NPBWR1: variants seen among roughly 807,000 people sequenced by gnomAD.
NPBWR1 encodes neuropeptides B and W receptor 1, also known as neuropeptides B/W receptor type 1.
In NPBWR1, 4 loss-of-function variants were observed where a neutral mutation model predicts 2.8. The observed-to-expected ratio is 1.44, with a 90% confidence interval of 0.71 to 3.29. The LOEUF (loss-of-function observed/expected upper bound fraction) is 3.29. NPBWR1 is among the 30% of genes most tolerant of loss of function. The pLI is 0.01. For missense variants in NPBWR1, 545 were observed against 462.5 expected (o/e 1.18, Z -1.64); for synonymous variants, 250 against 224.5 (o/e 1.11, Z -1.02).
rs1339244724 is a variant in NPBWR1, at chr8:52,941,191, G to A, written c.*297G>A. The A allele has an allele frequency of 4.5e-6, 2 of 445,702 alleles. No individual in the cohort carries two copies. Among genetic ancestry groups the A allele is most frequent in the East Asian group, 8.2e-5 (2 of 24,398 alleles). 27.6% of individuals were successfully genotyped at this position (445,702 alleles called of 1,614,324 possible). ...GAGGGTAGAGGAGGAGGGCGGTATT[G>A]CTGGGAACCGCCCCCTCCCTGCCCT... On this transcript the variant is annotated 3_prime_UTR_variant, in exon 2 of 2. Coordinates refer to ENST00000674939, the MANE Select transcript of NPBWR1 (RefSeq NM_005285.5).
rs1425848744 is a variant in NPBWR1, at chr8:52,940,078, C to G, written c.171C>G (p.Ala57=). The G allele has an allele frequency of 1.1e-5, 17 of 1,611,044 alleles. No individual in the cohort carries two copies. Among genetic ancestry groups the G allele is most frequent in the Non-Finnish European group, 1.3e-5 (15 of 1,179,948 alleles). The change falls in exon 2 of 2, where the codon GCC becomes GCG. Residue 57 remains alanine, a synonymous_variant. Transcript: ENST00000674939. ...CCGTGGGTCTGGCGGGCAACTCCGCCGTGCTGTACGTGTTGCTGCGGGCGC... is the reference window on the plus strand; with the variant it reads ...CCGTGGGTCTGGCGGGCAACTCCGCGGTGCTGTACGTGTTGCTGCGGGCGC... ...ICAVGLAGNS[A]VLYVLLRAPR...
rs777966458 is a variant in NPBWR1 at position 52,940,851 on chromosome 8, G to T, written c.944G>T (p.Arg315Leu). ...FLYAFLDASF[R>L]RNLRQLITCR... ...TACGCCTTCCTGGACGCCAGCTTCC[G>T]CAGGAACCTCCGCCAGCTGATAACT... Residue 315 changes from arginine (R) to leucine (L), a missense_variant, in exon 2 of 2, where the codon CGC becomes CTC. Physicochemically the swap from Arg to Leu is moderately radical, Grantham distance 102. Coordinates refer to ENST00000674939, the MANE Select transcript of NPBWR1 (RefSeq NM_005285.5). 1.2e-6 allele frequency: 2 copies of T among 1,612,680 alleles called. No homozygotes were observed. The highest frequency in any genetic ancestry group is 1.3e-5 in the African/African-American group (1 of 74,902).
rs563711899 is a variant in NPBWR1, at chr8:52,942,919, C to T, written c.*2025C>T. Among the ~76,000 whole-genome samples, 1 of 152,192 alleles carries T rather than the reference C, an allele frequency of 6.6e-6. No individual in the cohort carries two copies. Among genetic ancestry groups the T allele is most frequent in the African/African-American group, 2.4e-5 (1 of 41,448 alleles). ...GGCTTCTTGGAATTCATTTTAATAT[C>T]TTTCGAATTTCTAGGAAACATTCTA... On this transcript the variant is annotated 3_prime_UTR_variant, in exon 2 of 2. Transcript: ENST00000674939.
In NPBWR1 at chr8:52,940,142, C is replaced by A. The variant is rs1321881821; in HGVS notation, c.235C>A (p.Leu79Met). 4.3e-6 allele frequency: 7 copies of A among 1,613,350 alleles called. No homozygotes were observed. The highest frequency in any genetic ancestry group is 5.9e-6 in the Non-Finnish European group (7 of 1,179,980). ...CGTCACCAACCTGTTCATCCTCAAC[C>A]TGGCCATCGCCGACGAGCTCTTCAC... ...KTVTNLFILN[L>M]AIADELFTLV... Residue 79 changes from leucine (L) to methionine (M), a missense_variant, in exon 2 of 2, where the codon CTG becomes ATG. Leu to Met is a conservative substitution (Grantham distance 15, BLOSUM62 2). Transcript: ENST00000674939.
chr8:52,941,025 TA>T lies in NPBWR1; in HGVS notation c.*132del. On this transcript the variant is annotated 3_prime_UTR_variant, in exon 2 of 2. Transcript: ENST00000674939. Reference sequence around the variant, plus strand: ...ACCGACTCGCGCCCCATACCCGACCTAGCAGATCGGAAGCGCTGCGACTGTG... The same window carrying T: ...ACCGACTCGCGCCCCATACCCGACCTGCAGATCGGAAGCGCTGCGACTGTG... 1 of 1,225,126 alleles carries T rather than the reference TA, an allele frequency of 8.2e-7. No individual in the cohort carries two copies. The highest frequency in any genetic ancestry group is 1.6e-5 in the South Asian group (1 of 62,542). 75.9% of individuals were successfully genotyped at this position (1,225,126 alleles called of 1,614,324 possible).
At position 52,943,161 on chromosome 8, in the gene NPBWR1, G is replaced by A. The variant is rs1332233311; in HGVS notation, c.*2267G>A. On this transcript the variant is annotated 3_prime_UTR_variant, in exon 2 of 2. Transcript: ENST00000674939. ...CTGGACTCAGATGGGGGACAGCTGA[G>A]TGATCCATCTGTCCACTGTTTCATC... Among the ~76,000 whole-genome samples, 1 of 152,206 alleles carries A rather than the reference G, an allele frequency of 6.6e-6. No homozygotes were observed. Among genetic ancestry groups the A allele is most frequent in the African/African-American group, 2.4e-5 (1 of 41,452 alleles).
In NPBWR1 at chr8:52,940,004, C is replaced by G. The variant is rs146619785; in HGVS notation, c.97C>G (p.Pro33Ala). The G allele has an allele frequency of 1.9e-6, 3 of 1,604,084 alleles. No homozygotes were observed. The highest frequency in any genetic ancestry group is 2.5e-6 in the Non-Finnish European group (3 of 1,179,542). ...CAACGCGTCGACTCTGGCGCCGCTGCCGGCGCCGCTGGCGGTGGCTGTACC... is the reference window on the plus strand; with the variant it reads ...CAACGCGTCGACTCTGGCGCCGCTGGCGGCGCCGCTGGCGGTGGCTGTACC... ...CSNASTLAPL[P>A]APLAVAVPVV... Residue 33 changes from proline (P) to alanine (A), a missense_variant, in exon 2 of 2, where the codon CCG becomes GCG. Physicochemically the swap from Pro to Ala is conservative, Grantham distance 27 (BLOSUM62 -1). Transcript: ENST00000674939.
Position 52,939,895 on chromosome 8 carries a change from T to C in NPBWR1, c.-13T>C. ...GGGGACGCCAGGTCGCCGGCTCCTC[T>C]GCCCTCGTTGAGATGGACAACGCCT... On this transcript the variant is annotated 5_prime_UTR_variant, in exon 2 of 2. Coordinates refer to ENST00000674939, the MANE Select transcript of NPBWR1 (RefSeq NM_005285.5). 6.6e-7 allele frequency: 1 copy of C among 1,517,518 alleles called. No homozygotes were observed. Among genetic ancestry groups the C allele is most frequent in the South Asian group, 1.3e-5 (1 of 76,698 alleles). The allele number at this position is 1,517,518 out of a possible 1,614,324, so 94.0% of individuals were successfully genotyped here.
At position 52,942,235 on chromosome 8, in the gene NPBWR1, G is replaced by T. The variant is rs149345734; in HGVS notation, c.*1341G>T. The stretch of plus-strand genomic sequence containing the variant: ...ATTCCTTACTTGTAGACGGCATCCG[G>T]TAGGTAGTCCCGGTAAACCGGGTAA... On this transcript the variant is annotated 3_prime_UTR_variant, in exon 2 of 2. Transcript: ENST00000674939. Among the ~76,000 whole-genome samples the T allele has an allele frequency of 4.0e-3, 605 of 152,336 alleles. 6 individuals carry two copies. The highest frequency in any genetic ancestry group is 0.014 in the African/African-American group (585 of 41,580).
chr8:52,940,626 A>C lies in NPBWR1; in HGVS notation c.719A>C (p.Lys240Thr). 6.2e-7 allele frequency: 1 copy of C among 1,608,520 alleles called. No homozygotes were observed. The highest frequency in any genetic ancestry group is 8.5e-7 in the Non-Finnish European group (1 of 1,178,714). ...LHAMRLDSHA[K>T]ALERAKKRVT... ...GCCATGCGGCTGGACAGCCACGCCA[A>C]GGCCCTGGAGCGCGCCAAGAAGCGG... The change falls in exon 2 of 2, where the codon AAG becomes ACG. Residue 240 changes from lysine to threonine, a missense_variant. By Grantham distance (78) the Lys-to-Thr change is moderately conservative. Coordinates refer to ENST00000674939, the MANE Select transcript of NPBWR1 (RefSeq NM_005285.5).
At chr8:52,939,682 T>C in intron 1 of NPBWR1, 29 bp from the exon 2 acceptor site, 1 of 487,772 alleles carries the variant, frequency 2.1e-6, no homozygotes, top group Non-Finnish European at 3.5e-6. Flanking sequence ...GTCGACGAAC[T>C]AACCTATGCT....
rs771274567 is a variant in NPBWR1 at position 52,940,691 on chromosome 8, C to G, written c.784C>G (p.Leu262Val). 5 of 1,612,968 alleles carry G rather than the reference C, an allele frequency of 3.1e-6. No individual in the cohort carries two copies. In the East Asian group the frequency reaches 1.1e-4, roughly 36 times the overall value. The change falls in exon 2 of 2, where the codon CTC becomes GTC. Residue 262 changes from leucine to valine, a missense_variant. Coordinates refer to ENST00000674939, the MANE Select transcript of NPBWR1 (RefSeq NM_005285.5). ...GGTGGCAATCCTGGCGGTGTGCCTCCTCTGCTGGACGCCCTACCACCTGAG... is the reference window on the plus strand; with the variant it reads ...GGTGGCAATCCTGGCGGTGTGCCTCGTCTGCTGGACGCCCTACCACCTGAG... ...LVVAILAVCL[L>V]CWTPYHLSTV...
chr8:52,940,908 C>T lies in NPBWR1; in HGVS notation c.*14C>T. ...GCGGCAGCCTGACTCCCCCAGCGTC[C>T]GGCTCCGCAACTGCCCGCCACTCCT... On this transcript the variant is annotated 3_prime_UTR_variant, in exon 2 of 2. Transcript: ENST00000674939. 1 of 1,571,226 alleles carries T rather than the reference C, an allele frequency of 6.4e-7. No homozygotes were observed. The highest frequency in any genetic ancestry group is 8.6e-7 in the Non-Finnish European group (1 of 1,160,770).
rs542806504 is a variant in NPBWR1, at chr8:52,943,125, A to G, written c.*2231A>G. On this transcript the variant is annotated 3_prime_UTR_variant, in exon 2 of 2. Transcript: ENST00000674939. ...GATTCAGTATCTCATCTGTCTTAAT[A>G]AGCTCAGTAACTGGACTCAGATGGG... Among the ~76,000 whole-genome samples the G allele has an allele frequency of 1.3e-5, 2 of 152,332 alleles. No homozygotes were observed. The highest frequency in any genetic ancestry group is 3.4e-3 in the Middle Eastern group (1 of 292).
rs770292876 is a variant in NPBWR1 at position 52,940,240 on chromosome 8, C to T, written c.333C>T (p.Leu111=). 3 of 1,613,666 alleles carry T rather than the reference C, an allele frequency of 1.9e-6. No individual in the cohort carries two copies. In the South Asian group the frequency reaches 3.3e-5, roughly 18 times the overall value. ...CCTTCGGGGAGCTCATGTGCAAGCT[C>T]ATCGTGGCTATCGACCAGTACAACA... ...QWPFGELMCK[L]IVAIDQYNTF... The change falls in exon 2 of 2, where the codon CTC becomes CTT. Residue 111 remains leucine, a synonymous_variant. Transcript: ENST00000674939.
rs1354500075 is a variant in NPBWR1, at chr8:52,940,450, C to G, written c.543C>G (p.Asp181Glu). The G allele has an allele frequency of 8.2e-6, 13 of 1,590,018 alleles. No homozygotes were observed. Among genetic ancestry groups the G allele is most frequent in the Non-Finnish European group, 1.1e-5 (13 of 1,173,770 alleles). The change falls in exon 2 of 2, where the codon GAC becomes GAG. Residue 181 changes from aspartate (D) to glutamate (E), a missense_variant. Physicochemically the swap from Asp to Glu is conservative, Grantham distance 45. Coordinates refer to ENST00000674939, the MANE Select transcript of NPBWR1 (RefSeq NM_005285.5). ...LPFAVFARLD[D>E]EQGRRQCVLV... is the part of the protein sequence containing the mutation. Reference sequence around the variant, plus strand: ...TCGCAGTCTTCGCCCGGCTAGACGACGAGCAGGGCCGGCGCCAGTGCGTGC... The same window carrying G: ...TCGCAGTCTTCGCCCGGCTAGACGAGGAGCAGGGCCGGCGCCAGTGCGTGC...
At position 52,940,975 on chromosome 8, in the gene NPBWR1, C is replaced by G; in HGVS notation, c.*81C>G. ...GCCGGCGCCAGAGTGCGGGACCAGA[C>G]AGGCCGCCTAGGCCTCCTGGGGAAA... On this transcript the variant is annotated 3_prime_UTR_variant, in exon 2 of 2. Transcript: ENST00000674939. 1.4e-6 allele frequency: 2 copies of G among 1,479,532 alleles called. No homozygotes were observed. The highest frequency in any genetic ancestry group is 1.8e-6 in the Non-Finnish European group (2 of 1,119,870). The allele number at this position is 1,479,532 out of a possible 1,614,324, so 91.7% of individuals were successfully genotyped here. A position where few individuals can be genotyped will look rare whatever the true frequency, so the allele number is the denominator to read the frequency against.
rs747379986 is a variant in NPBWR1, at chr8:52,940,038, A to C, written c.131A>C (p.Tyr44Ser). The change falls in exon 2 of 2, where the codon TAC (tyrosine) becomes TCC (serine). Residue 44 changes from tyrosine (Y) to serine (S), a missense_variant. Physicochemically the swap from Tyr to Ser is moderately radical, Grantham distance 144. Coordinates refer to ENST00000674939, the MANE Select transcript of NPBWR1 (RefSeq NM_005285.5). Reference protein sequence around the residue: ...APLAVAVPVVYAVICAVGLAG... With the variant: ...APLAVAVPVVSAVICAVGLAG... ...CTGGCGGTGGCTGTACCAGTTGTCT[A>C]CGCGGTGATCTGCGCCGTGGGTCTG... is the stretch of plus-strand genomic sequence containing the variant. The C allele has an allele frequency of 6.2e-7, 1 of 1,607,306 alleles. No individual in the cohort carries two copies. The highest frequency in any genetic ancestry group is 1.1e-5 in the South Asian group (1 of 91,048).
Position 52,940,710 on chromosome 8 carries a change from A to T in NPBWR1, c.803A>T (p.His268Leu). 6.2e-7 allele frequency: 1 copy of T among 1,613,314 alleles called. No homozygotes were observed. The highest frequency in any genetic ancestry group is 8.5e-7 in the Non-Finnish European group (1 of 1,179,914). The change falls in exon 2 of 2, where the codon CAC becomes CTC. Residue 268 changes from histidine (H) to leucine (L), a missense_variant. Physicochemically the swap from His to Leu is moderately conservative, Grantham distance 99 (BLOSUM62 -3). Coordinates refer to ENST00000674939, the MANE Select transcript of NPBWR1 (RefSeq NM_005285.5). ...AVCLLCWTPY[H>L]LSTVVALTTD... The stretch of plus-strand genomic sequence containing the variant: ...TGCCTCCTCTGCTGGACGCCCTACC[A>T]CCTGAGCACCGTGGTGGCGCTCACC...
Sources: allele counts gnomAD v4.1 joint callset (sites outside exome capture counted in the v4.1 genomes callset), GRCh38; gene constraint gnomAD v4.1.1; transcripts MANE v1.5; gene names NCBI Gene and HGNC (gene_info 2026-07-23, HGNC 2026-07-21).